The following REC114 variants were observed in gnomAD, a reference collection of about 807,000 sequenced individuals.
REC114 encodes the protein REC114 meiotic recombination protein, also known as meiotic recombination protein REC114.
REC114 carries 27 observed loss-of-function variants against 31.3 expected under a neutral mutation model. The observed-to-expected ratio is 0.86, with a 90% CI of 0.64 to 1.19. The LOEUF (loss-of-function observed/expected upper bound fraction) is 1.19, where lower values mean the gene tolerates loss of function less well. REC114 is among the 50% of genes most tolerant of loss of function. The probability of loss-of-function intolerance (pLI) is 0.00; values close to 1 mark genes in which losing one functional copy is unlikely to be tolerated. For synonymous variants in REC114, 134 were observed against 127.7 expected (o/e 1.05, Z -0.33); for missense variants, 344 against 326.9 (o/e 1.05, Z -0.40).
At chr15:73,542,961 T>TA (rs796558723) in intron 3 of REC114, among the ~76,000 whole-genome samples, 9,551 of 150,944 alleles carry the variant, frequency 0.063, 337 homozygotes, top group South Asian at 0.094. Flanking sequence ...TTTTTTTTTT[T>TA]TATATAAATT....
intron 4 of REC114, among the ~76,000 whole-genome samples, chr15:73,552,243 T>C (rs996379029): frequency 1.3e-5 from 2 of 152,214 alleles, no homozygotes; most frequent in African/African-American, 2.4e-5. Context: ...CAGGCTATTC[T>C]AAAATACCCC....
At chr15:73,558,088 C>T (rs577028845) in intron 5 of REC114, among the ~76,000 whole-genome samples, 63 of 152,226 alleles carry the variant, frequency 4.1e-4, no homozygotes, top group African/African-American at 1.5e-3. Context: ...CCTGTAGTCC[C>T]AAGCACTTTG....
chr15:73,503,149 G>A (rs1368805536), intron 2 of REC114, among the ~76,000 whole-genome samples: 1 of 152,158 alleles, frequency 6.6e-6, no homozygotes, highest in East Asian at 1.9e-4. Flanking sequence ...ATATGACCCA[G>A]CAATAAAGGC....
intron 2 of REC114, among the ~76,000 whole-genome samples, chr15:73,535,076 C>G (rs1595879831): frequency 7.2e-6 from 1 of 139,776 alleles, no homozygotes; most frequent in East Asian, 2.0e-4. Flanking sequence ...CAATATCATA[C>G]TGAATGGGCA....
intron 2 of REC114, among the ~76,000 whole-genome samples, chr15:73,489,641 C>G (rs1313689412): frequency 6.6e-6 from 1 of 151,238 alleles, no homozygotes; most frequent in Non-Finnish European, 1.5e-5. Flanking sequence ...CCTCTTAATT[C>G]TATTATATTA....
At chr15:73,484,795 T>A (rs899158010) in intron 2 of REC114, among the ~76,000 whole-genome samples, 23 of 152,350 alleles carry the variant, frequency 1.5e-4, no homozygotes, top group African/African-American at 5.3e-4. Flanking sequence ...ACAATTTTAA[T>A]TCTGTTTGTC....
Position 73,502,061 on chromosome 15 carries a change from C to G in REC114, c.249+28140C>G, listed in dbSNP as rs369996419. 1.8e-4 allele frequency among the ~76,000 whole-genome samples: 27 copies of G among 151,926 alleles called. No homozygotes were observed. In the East Asian group the frequency reaches 4.3e-3, roughly 24 times the overall value. Reference sequence around the variant, plus strand: ...ATCCCAGCACTTTAGGAGGCTGAGGCTGGAGATAGCTTGAGCCCAGGAGTT... The same window carrying G: ...ATCCCAGCACTTTAGGAGGCTGAGGGTGGAGATAGCTTGAGCCCAGGAGTT... On this transcript the variant is annotated intron_variant, in intron 2 of 5. Coordinates refer to ENST00000331090, the MANE Select transcript of REC114 (RefSeq NM_001042367.2).
At chr15:73,472,755 A>C (rs536534203) in intron 1 of REC114, among the ~76,000 whole-genome samples, 1 of 152,102 alleles carries the variant, frequency 6.6e-6, no homozygotes, top group Non-Finnish European at 1.5e-5. Context: ...TCGGTTCCTC[A>C]CTATATCTCG....
intron 2 of REC114, among the ~76,000 whole-genome samples, chr15:73,538,992 T>C (rs1894201600): frequency 6.6e-6 from 1 of 151,932 alleles, no homozygotes; most frequent in African/African-American, 2.4e-5. Context: ...GGCATTGGGA[T>C]TGCTGGGTCC....
rs1322350932 is a variant in REC114, at chr15:73,443,352, C to T, written c.159+8C>T. 2 of 1,562,318 alleles carry T rather than the reference C, an allele frequency of 1.3e-6. No homozygotes were observed. Among genetic ancestry groups the T allele is most frequent in the Non-Finnish European group, 1.7e-6 (2 of 1,155,248 alleles). On this transcript the variant is annotated splice_region_variant and intron_variant, in intron 1 of 5. Coordinates refer to ENST00000331090, the MANE Select transcript of REC114 (RefSeq NM_001042367.2). ...CCCTGCCCCACATGGAAGGTGAGGCCCGAAGGCAGGAATATCCCTGAGGTG... is the reference window on the plus strand; with the variant it reads ...CCCTGCCCCACATGGAAGGTGAGGCTCGAAGGCAGGAATATCCCTGAGGTG...
intron 1 of REC114, among the ~76,000 whole-genome samples, chr15:73,443,684 T>C (rs1892728716): frequency 6.6e-6 from 1 of 152,158 alleles, no homozygotes; most frequent in Non-Finnish European, 1.5e-5. Flanking sequence ...TCCCCACCCT[T>C]ATTGATGTTT....
At chr15:73,552,955 C>T (rs1342468634) in intron 4 of REC114, among the ~76,000 whole-genome samples, 1 of 152,136 alleles carries the variant, frequency 6.6e-6, no homozygotes, top group Non-Finnish European at 1.5e-5. Context: ...GCTGGGATTA[C>T]AGACATCCAC....
chr15:73,472,632 G>C (rs953695994), intron 1 of REC114, among the ~76,000 whole-genome samples: 1 of 152,084 alleles, frequency 6.6e-6, no homozygotes, highest in African/African-American at 2.4e-5. Context: ...TTTACCTTAC[G>C]GTGTTTATTA....
intron 3 of REC114, among the ~76,000 whole-genome samples, chr15:73,544,777 G>A (rs1894286165): frequency 6.6e-6 from 1 of 152,192 alleles, no homozygotes; most frequent in South Asian, 2.1e-4. Flanking sequence ...ACCTTTTTCT[G>A]TACTTCCACA....
intron 1 of REC114, 25 bp downstream of exon 1, chr15:73,443,369 C>T (rs1441123829): frequency 6.5e-7 from 1 of 1,548,500 alleles, no homozygotes. Flanking sequence ...CAGGAATATC[C>T]CTGAGGTGCC....
At chr15:73,553,819 C>T (rs1339383544) in intron 4 of REC114, among the ~76,000 whole-genome samples, 2 of 152,112 alleles carry the variant, frequency 1.3e-5, no homozygotes, top group East Asian at 3.8e-4. Flanking sequence ...CTCTTCTGAA[C>T]TGTAATTGGG....
intron 1 of REC114, among the ~76,000 whole-genome samples, chr15:73,466,198 G>A (rs1893056014): frequency 6.6e-6 from 1 of 152,028 alleles, no homozygotes; most frequent in African/African-American, 2.4e-5. Context: ...GGATTCTGCA[G>A]TTACAGACTG....
At chr15:73,558,091 G>A (rs1032456561) in intron 5 of REC114, among the ~76,000 whole-genome samples, 3 of 152,148 alleles carry the variant, frequency 2.0e-5, no homozygotes, top group African/African-American at 7.2e-5. Context: ...GTAGTCCCAA[G>A]CACTTTGGGG....
At chr15:73,529,450 T>G (rs995243027) in intron 2 of REC114, among the ~76,000 whole-genome samples, 9 of 152,288 alleles carry the variant, frequency 5.9e-5, no homozygotes, top group Non-Finnish European at 1.2e-4. Context: ...TCCTTGGCTT[T>G]TTAGAGATAG....
Sources: allele counts gnomAD v4.1 joint callset (sites outside exome capture counted in the v4.1 genomes callset), GRCh38; gene constraint gnomAD v4.1.1; transcripts MANE v1.5; gene names NCBI Gene and HGNC (gene_info 2026-07-23, HGNC 2026-07-21).